Variants in MYOM3 observed in about 807,000 individuals in gnomAD.
MYOM3 encodes the protein myomesin 3.
A neutral mutation model predicts 191.7 loss-of-function variants in MYOM3; 155 were observed. The observed-to-expected ratio is 0.81, with a 90% CI of 0.71 to 0.92. The LOEUF (loss-of-function observed/expected upper bound fraction) is 0.92, where lower values mean the gene tolerates loss of function less well. Ranked by LOEUF, MYOM3 falls within the 40% of genes least tolerant of loss-of-function variation. The pLI, the probability that MYOM3 is intolerant of heterozygous loss-of-function variation, is 0.00. For synonymous variants in MYOM3, 757 were observed against 762.9 expected (o/e 0.99, Z 0.13); for missense variants, 1,889 against 1,890.6 (o/e 1.00, Z 0.02).
intron 14 of MYOM3, 56 bp from the exon 15 acceptor site, chr1:24,086,883 C>A: frequency 6.5e-7 from 1 of 1,541,208 alleles, no homozygotes. Flanking sequence ...CGGCTCTGTG[C>A]TGGTCACCTC....
At chr1:24,101,395 T>C (rs1643932464) in intron 5 of MYOM3, among the ~76,000 whole-genome samples, 1 of 152,118 alleles carries the variant, frequency 6.6e-6, no homozygotes, top group East Asian at 1.9e-4. Context: ...AATCAGAATT[T>C]CGGGGGGGTT....
chr1:24,099,240 G>T (rs7545471), intron 6 of MYOM3, among the ~76,000 whole-genome samples: 69,223 of 152,040 alleles, frequency 0.46, 16,564 homozygotes, highest in African/African-American at 0.6. Context: ...TGTATGTTTG[G>T]GTACATAAGC....
chr1:24,079,549 T>C (rs1244603582), intron 20 of MYOM3, among the ~76,000 whole-genome samples: 1 of 152,198 alleles, frequency 6.6e-6, no homozygotes, highest in African/African-American at 2.4e-5. Context: ...TTATTCTTTA[T>C]ACTGCCTGGC....
intron 15 of MYOM3, 71 bp downstream of exon 15, chr1:24,086,573 G>C: frequency 1.3e-6 from 2 of 1,482,298 alleles, no homozygotes; most frequent in South Asian, 2.5e-5. Context: ...GCAGGGCTTT[G>C]TCCCTGCAGC....
intron 32 of MYOM3, among the ~76,000 whole-genome samples, chr1:24,062,441 G>T (rs1643382744): frequency 6.6e-6 from 1 of 152,282 alleles, no homozygotes; most frequent in Non-Finnish European, 1.5e-5. Flanking sequence ...AATTCCATCT[G>T]TTCTTGGCTC....
Position 24,067,073 on chromosome 1 carries a change from C to G in MYOM3, c.3371G>C (p.Arg1124Pro). ...CTCCGTGACCTTCCACTGCAACGGC[C>G]GCTCAAAATAGGGACCTGTGCGTGC... ...WKRKQGPYFE[R>P]PLQWKVTEDC... is the part of the protein sequence containing the mutation. Residue 1124 changes from arginine to proline, a missense_variant, in exon 28 of 37, where the codon CGG (arginine) becomes CCG (proline). Transcript: ENST00000374434. 6.3e-7 allele frequency: 1 copy of G among 1,575,822 alleles called. No homozygotes were observed. The highest frequency in any genetic ancestry group is 1.2e-5 in the South Asian group (1 of 86,492).
chr1:24,097,848 G>T, intron 7 of MYOM3, 75 bp downstream of exon 7: 1 of 997,478 alleles, frequency 1.0e-6, no homozygotes, highest in Non-Finnish European at 1.6e-6. Flanking sequence ...CAGGTCTCAC[G>T]CAGACCCATG....
chr1:24,077,760 C>T (rs1291564809), intron 20 of MYOM3, among the ~76,000 whole-genome samples: 2 of 152,212 alleles, frequency 1.3e-5, no homozygotes, highest in Non-Finnish European at 2.9e-5. Context: ...GGCTGACTGA[C>T]CGAATGGCGG....
rs926555960 is a variant in MYOM3 at position 24,065,902 on chromosome 1, A to G, written c.3523T>C (p.Cys1175Arg). Residue 1175 changes from cysteine (C) to arginine (R), a missense_variant, in exon 29 of 37, where the codon TGC becomes CGC. By Grantham distance (180) the Cys-to-Arg change is radical. Transcript: ENST00000374434. ...GGAGCCACACTTGCCTCTTCAATGC[A>G]GAGAAGTCCCGTTCCCGTCTCTGGG... ...YDPETGTGLL[C>R]IEELSKKDKG... 3.7e-6 allele frequency: 6 copies of G among 1,610,468 alleles called. No homozygotes were observed. The African/African-American group carries it at 8.0e-5, about 22-fold the overall frequency.
rs1644037692 is a variant in MYOM3, at chr1:24,111,470, T to C, written c.-19+561A>G. ...TTCTTAGCCAGTGGCTCCACCAGCT[T>C]CCGCGAGGCCGAATCCTGCCCTTGC... On this transcript the variant is annotated intron_variant, in intron 1 of 36. Transcript: ENST00000374434. The surrounding 1 kb of genome is among the most constrained non-coding windows in gnomAD (Gnocchi z 4.7). Among the ~76,000 whole-genome samples, 1 of 152,178 alleles carries C rather than the reference T, an allele frequency of 6.6e-6. No homozygotes were observed. The highest frequency in any genetic ancestry group is 2.4e-5 in the African/African-American group (1 of 41,458).
intron 7 of MYOM3, 86 bp from the exon 8 acceptor site, chr1:24,095,572 G>A: frequency 8.3e-7 from 1 of 1,208,144 alleles, no homozygotes; most frequent in Non-Finnish European, 1.2e-6. Flanking sequence ...TTGGATATGA[G>A]TTTGAGTCCT....
At chr1:24,066,270 C>T (rs1278165160) in intron 28 of MYOM3, 1 of 715,476 alleles carries the variant, frequency 1.4e-6, no homozygotes, top group South Asian at 1.5e-5. Context: ...CCATAGTCAC[C>T]CCCTCCATCA....
intron 35 of MYOM3, 33 bp downstream of exon 35, chr1:24,061,027 A>C: frequency 6.2e-7 from 1 of 1,613,844 alleles, no homozygotes; most frequent in South Asian, 1.1e-5. Flanking sequence ...CCAAATTCAG[A>C]AACAAAAACA....
At chr1:24,060,954 C>G in intron 35 of MYOM3, 106 bp downstream of exon 35, 1 of 1,283,488 alleles carries the variant, frequency 7.8e-7, no homozygotes, top group Non-Finnish European at 1.1e-6. Flanking sequence ...GCCCCACAGA[C>G]CCCACTGTGG....
rs201441408 is a variant in MYOM3 at position 24,057,624 on chromosome 1, G to T, written c.4054C>A (p.Leu1352Met). The T allele has an allele frequency of 6.6e-5, 106 of 1,613,644 alleles. No individual in the cohort carries two copies. The Middle Eastern group carries it at 3.1e-3, about 48-fold the overall frequency. Reference sequence around the variant, plus strand: ...CCTGAGACGATGCAAGTCAAGCACAGGGTCTGTTTGAAAAGACAGGAAGGG... The same window carrying T: ...CCTGAGACGATGCAAGTCAAGCACATGGTCTGTTTGAAAAGACAGGAAGGG... ...DVATIMEDKT[L>M]CLTCIVSGDP... Residue 1352 changes from leucine to methionine, a missense_variant, in exon 37 of 37, where the codon CTG becomes ATG. Coordinates refer to ENST00000374434, the MANE Select transcript of MYOM3 (RefSeq NM_152372.4).
chr1:24,105,353 A>G (rs1643973171), intron 5 of MYOM3, among the ~76,000 whole-genome samples: 1 of 152,230 alleles, frequency 6.6e-6, no homozygotes, highest in Non-Finnish European at 1.5e-5. Flanking sequence ...GGCTGGGAAC[A>G]CAAGGTTCTC....
intron 29 of MYOM3, 84 bp from the exon 30 acceptor site, chr1:24,064,243 G>T: frequency 9.9e-7 from 1 of 1,007,728 alleles, no homozygotes; most frequent in Non-Finnish European, 1.5e-6. Context: ...CTGGGCTCCA[G>T]GCCTGCCCCT....
chr1:24,064,039 C>T, intron 30 of MYOM3, 33 bp downstream of exon 30: 3 of 1,544,550 alleles, frequency 1.9e-6, no homozygotes, highest in Admixed American at 1.7e-5. Flanking sequence ...ACTGTGCTCC[C>T]TCCACAGCCC....
chr1:24,077,668 A>G (rs1001283241), intron 20 of MYOM3, among the ~76,000 whole-genome samples: 15 of 152,104 alleles, frequency 9.9e-5, no homozygotes, highest in African/African-American at 3.6e-4. Context: ...CTACCCAACA[A>G]CTGTGACTTA....
Sources: gnomAD v4.1 joint callset for allele counts (sites outside exome capture counted in the v4.1 genomes callset) on GRCh38, gnomAD v4.1.1 for gene constraint, Gnocchi (gnomAD v3.1) non-coding constraint, MANE v1.5 for transcripts, NCBI Gene and HGNC (gene_info 2026-07-23, HGNC 2026-07-21) for gene names.